The following EXD3 variants were observed in gnomAD, a reference collection of about 807,000 sequenced individuals.
EXD3 encodes the protein exonuclease mut-7 homolog.
EXD3 carries 92 observed loss-of-function variants against 98.0 expected under a neutral mutation model. The observed-to-expected ratio is 0.94, with a 90% CI of 0.79 to 1.12. EXD3 has a LOEUF of 1.12. Among genes scored for constraint, EXD3 ranks in the 50% most tolerant of loss-of-function variants. EXD3 has a pLI of 0.00. For missense variants in EXD3, 1,222 were observed against 1,191.6 expected (o/e 1.03, Z -0.38); for synonymous variants, 569 against 526.0 (o/e 1.08, Z -1.12).
chr9:137,325,817 A>G (rs1832370822), intron 17 of EXD3, among the ~76,000 whole-genome samples: 1 of 152,176 alleles, frequency 6.6e-6, no homozygotes, highest in African/African-American at 2.4e-5. Context: ...AGGCTGGGCA[A>G]GGCGGCTCGT....
chr9:137,307,056 C>A lies in EXD3; in HGVS notation c.2525G>T (p.Gly842Val), dbSNP rs1564456258. 6.2e-7 allele frequency: 1 copy of A among 1,612,118 alleles called. No homozygotes were observed. The highest frequency in any genetic ancestry group is 1.3e-5 in the African/African-American group (1 of 74,982). Residue 842 changes from glycine to valine, a missense_variant, in exon 22 of 22, where the codon GGC becomes GTC. Physicochemically the swap from Gly to Val is moderately radical, Grantham distance 109 (BLOSUM62 -3). Coordinates refer to ENST00000340951, the MANE Select transcript of EXD3 (RefSeq NM_017820.5). ...CTGCGKVFWD[G>V]SHLGRVATHF... ...GGTGGCAACACGACCCAGGTGGGAG[C>A]CGTCCCAGAAGACCTTTCCACAGCC...
rs147145474 is a variant in EXD3 at position 137,309,250 on chromosome 9, G to A, written c.2278+357C>T. 2.3e-3 allele frequency among the ~76,000 whole-genome samples: 355 copies of A among 152,324 alleles called. 2 individuals carry two copies. Among genetic ancestry groups the A allele is most frequent in the African/African-American group, 8.3e-3 (344 of 41,570 alleles). Reference sequence around the variant, plus strand: ...GGGGGTGGACATCTGGGGTCAGCTAGTGCTGTGTGCAGGTGTAGGTGCACG... The same window carrying A: ...GGGGGTGGACATCTGGGGTCAGCTAATGCTGTGTGCAGGTGTAGGTGCACG... On this transcript the variant is annotated intron_variant, in intron 20 of 21. Coordinates refer to ENST00000340951, the MANE Select transcript of EXD3 (RefSeq NM_017820.5).
intron 19 of EXD3, among the ~76,000 whole-genome samples, chr9:137,316,136 G>T (rs1261535230): frequency 6.6e-6 from 1 of 151,568 alleles, no homozygotes; most frequent in Admixed American, 6.6e-5. Flanking sequence ...CCCAGACGGG[G>T]GAGGGGCGGC....
chr9:137,311,301 G>A (rs1041103785), intron 19 of EXD3, among the ~76,000 whole-genome samples: 1 of 152,242 alleles, frequency 6.6e-6, no homozygotes, highest in African/African-American at 2.4e-5. Context: ...CAGGCTTCCT[G>A]GGCAGGTGTG....
chr9:137,383,220 T>A, intron 3 of EXD3, 93 bp downstream of exon 3: 1 of 1,085,594 alleles, frequency 9.2e-7, no homozygotes, highest in East Asian at 2.6e-5. Flanking sequence ...TGCAGCTTCC[T>A]GACCAGGGAG....
chr9:137,417,913 C>T (rs909536371), intron 1 of EXD3, among the ~76,000 whole-genome samples: 7 of 151,548 alleles, frequency 4.6e-5, no homozygotes, highest in African/African-American at 1.7e-4. Flanking sequence ...CTGGCGGGGC[C>T]GGAGGGGGTG....
chr9:137,311,380 C>T lies in EXD3; in HGVS notation c.2185-1680G>A, dbSNP rs1481586968. Among the ~76,000 whole-genome samples, 9 of 152,232 alleles carry T rather than the reference C, an allele frequency of 5.9e-5. No homozygotes were observed. The South Asian group carries it at 1.0e-3, about 17-fold the overall frequency. Reference sequence around the variant, plus strand: ...GAACAAGCAGGTGGTCCACCCTCCACAGAGCCCCACTCTCCACTGTGCAGG... The same window carrying T: ...GAACAAGCAGGTGGTCCACCCTCCATAGAGCCCCACTCTCCACTGTGCAGG... On this transcript the variant is annotated intron_variant, in intron 19 of 21. Transcript: ENST00000340951.
At position 137,306,969 on chromosome 9, in the gene EXD3, G is replaced by A. The variant is rs761481299; in HGVS notation, c.2612C>T (p.Pro871Leu). 31 of 1,586,424 alleles carry A rather than the reference G, an allele frequency of 2.0e-5. No homozygotes were observed. The highest frequency in any genetic ancestry group is 5.2e-5 in the Admixed American group (3 of 57,452). ...CTGTCCTCAGAAGGGACTGCTGGCC[G>A]GGCTGGGGGCTGGGCTCGGCTCGCA... ...SPCEPSPAPS[P>L]ASSPF The change falls in exon 22 of 22, where the codon CCG becomes CTG. Residue 871 changes from proline to leucine, a missense_variant. By Grantham distance (98) the Pro-to-Leu change is moderately conservative. Coordinates refer to ENST00000340951, the MANE Select transcript of EXD3 (RefSeq NM_017820.5).
chr9:137,377,418 C>T (rs1835965660), intron 3 of EXD3: 1 of 146,980 alleles, frequency 6.8e-6, no homozygotes, highest in Non-Finnish European at 1.5e-5. Context: ...GCACTCCAGC[C>T]TGGGTGACAG....
At position 137,352,209 on chromosome 9, in the gene EXD3, G is replaced by A. The variant is rs767755756; in HGVS notation, c.1038-8C>T. ...GAGTCAGCCTCAGTCGCCCTGGGAG[G>A]AGCAGAGCTGGTAGCGCCCCCATGT... On this transcript the variant is annotated splice_polypyrimidine_tract_variant and splice_region_variant and intron_variant, in intron 11 of 21. Coordinates refer to ENST00000340951, the MANE Select transcript of EXD3 (RefSeq NM_017820.5). 1.1e-5 allele frequency: 18 copies of A among 1,612,332 alleles called. No homozygotes were observed. The African/African-American group carries it at 2.1e-4, about 19-fold the overall frequency.
intron 1 of EXD3, among the ~76,000 whole-genome samples, chr9:137,410,484 CAAAAAAAAAA>C (rs34834761): frequency 6.9e-5 from 5 of 72,356 alleles, no homozygotes; most frequent in African/African-American, 2.1e-4. Context: ...AACTCTGTCT[CAAAAAAAAAA>C]AAAAAAAAAA....
intron 3 of EXD3, chr9:137,376,986 C>A (rs1835940375): frequency 6.6e-6 from 1 of 151,686 alleles, no homozygotes; most frequent in Admixed American, 6.6e-5. Context: ...ATACCCATAC[C>A]CTTCAGGCAT....
intron 8 of EXD3, among the ~76,000 whole-genome samples, chr9:137,355,546 G>A (rs1430649299): frequency 5.6e-4 from 72 of 129,510 alleles, no homozygotes; most frequent in African/African-American, 8.3e-4. Flanking sequence ...GAGGAAGGAG[G>A]AAGGAGGAAG....
intron 5 of EXD3, among the ~76,000 whole-genome samples, chr9:137,368,480 G>A (rs930866488): frequency 1.1e-4 from 16 of 152,204 alleles, no homozygotes; most frequent in African/African-American, 3.9e-4. Flanking sequence ...CCCACGAGGC[G>A]GAGACGGGCA....
rs771616428 is a variant in EXD3, at chr9:137,405,046, C to T, written c.-47-9642G>A. Among the ~76,000 whole-genome samples the T allele has an allele frequency of 6.6e-6, 1 of 152,030 alleles. No individual in the cohort carries two copies. The highest frequency in any genetic ancestry group is 1.5e-5 in the Non-Finnish European group (1 of 67,992). On this transcript the variant is annotated intron_variant, in intron 1 of 21. Transcript: ENST00000340951. The surrounding 1 kb of genome is among the most constrained non-coding windows in gnomAD (Gnocchi z 4.1). ...GCGAGCCGGGTGCTGGGAGGGGACA[C>T]GTGCTGTCTCACAGGTGAGCCAGGG... is the stretch of plus-strand genomic sequence containing the variant.
intron 19 of EXD3, among the ~76,000 whole-genome samples, chr9:137,310,730 G>T (rs2119045279): frequency 6.6e-6 from 1 of 152,328 alleles, no homozygotes; most frequent in Middle Eastern, 3.4e-3. Context: ...AGGGGGCTGG[G>T]TGCCCACTGA....
rs141082790 is a variant in EXD3, at chr9:137,366,385, C to T, written c.656+108G>A. On this transcript the variant is annotated intron_variant, in intron 7 of 21. Coordinates refer to ENST00000340951, the MANE Select transcript of EXD3 (RefSeq NM_017820.5). ...AGCTGTGACCCAAACACCAGAACTT[C>T]CTGGGGAGAGCTCTCCCACGCGCCT... 28 of 1,459,958 alleles carry T rather than the reference C, an allele frequency of 1.9e-5. No individual in the cohort carries two copies. In the East Asian group the frequency reaches 6.7e-4, roughly 35 times the overall value. The allele number at this position is 1,459,958 out of a possible 1,614,324, so 90.4% of individuals were successfully genotyped here. A position where few individuals can be genotyped will look rare whatever the true frequency, so the allele number is the denominator to read the frequency against.
At chr9:137,361,733 G>A (rs1333935524) in intron 7 of EXD3, among the ~76,000 whole-genome samples, 4 of 116,580 alleles carry the variant, frequency 3.4e-5, no homozygotes, top group African/African-American at 6.5e-5. Flanking sequence ...GCGACAGGGC[G>A]AGACTCTGTC....
At chr9:137,351,620 G>A (rs1834310417) in intron 12 of EXD3, 92 bp from the exon 13 acceptor site, 2 of 1,240,048 alleles carry the variant, frequency 1.6e-6, no homozygotes, top group African/African-American at 3.0e-5. Flanking sequence ...CTGTGAGCTT[G>A]GGCTTCGGGG....
Sources: allele counts gnomAD v4.1 joint callset (sites outside exome capture counted in the v4.1 genomes callset), GRCh38; gene constraint gnomAD v4.1.1; non-coding constraint Gnocchi (gnomAD v3.1); transcripts MANE v1.5; gene names NCBI Gene and HGNC (gene_info 2026-07-23, HGNC 2026-07-21).